Variants in CACNA1D observed in about 807,000 individuals in gnomAD.
CACNA1D encodes voltage-dependent L-type calcium channel subunit alpha-1D.
In CACNA1D, 55 loss-of-function variants were observed where a neutral mutation model predicts 257.1. The observed-to-expected ratio is 0.21, with a 90% confidence interval of 0.17 to 0.27. CACNA1D has a LOEUF of 0.27. CACNA1D is among the 10% of genes least tolerant of loss of function. The pLI is 1.00. For missense variants in CACNA1D, 1,876 were observed against 2,784.0 expected, an observed-to-expected ratio of 0.67 and a Z score of 7.34; for synonymous variants, 980 against 1,014.9, an observed-to-expected ratio of 0.97 and a Z score of 0.65.
chr3:53,767,220 G>A (rs2095338111), intron 30 of CACNA1D, among the ~76,000 whole-genome samples: 1 of 152,146 alleles, frequency 6.6e-6, no homozygotes, highest in South Asian at 2.1e-4. Flanking sequence ...GCCCAGGACT[G>A]GAGTTCTCAG....
Position 53,731,163 on chromosome 3 carries a change from G to A in CACNA1D, c.2406+17G>A. On this transcript the variant is annotated intron_variant, in intron 17 of 47. Coordinates refer to ENST00000350061, the MANE Select transcript of CACNA1D (RefSeq NM_001128840.3). Reference sequence around the variant, plus strand: ...GACAACAAGGTATGTATTCTAAGATGCTTCTCCCCTTTTTGTTTCAAAATG... The same window carrying A: ...GACAACAAGGTATGTATTCTAAGATACTTCTCCCCTTTTTGTTTCAAAATG... 1.3e-6 allele frequency: 2 copies of A among 1,545,022 alleles called. No homozygotes were observed. The highest frequency in any genetic ancestry group is 2.2e-5 in the East Asian group (1 of 44,554).
chr3:53,564,046 A>C (rs1437166065), intron 3 of CACNA1D, among the ~76,000 whole-genome samples: 1 of 152,228 alleles, frequency 6.6e-6, no homozygotes, highest in Non-Finnish European at 1.5e-5. Context: ...ATGATATATC[A>C]TTCTGACTTG....
intron 21 of CACNA1D, 99 bp downstream of exon 21, chr3:53,740,438 A>G (rs904659383): frequency 1.6e-5 from 13 of 824,518 alleles, no homozygotes; most frequent in Middle Eastern, 4.4e-4. Flanking sequence ...TACGCAGACT[A>G]TGTCTTCACT....
chr3:53,595,876 G>A (rs2093363745), intron 3 of CACNA1D, among the ~76,000 whole-genome samples: 1 of 152,172 alleles, frequency 6.6e-6, no homozygotes, highest in Non-Finnish European at 1.5e-5. Context: ...AGGTGATTCA[G>A]ACAGATGGGC....
intron 22 of CACNA1D, among the ~76,000 whole-genome samples, chr3:53,744,104 C>T (rs1461141776): frequency 6.6e-6 from 1 of 152,152 alleles, no homozygotes; most frequent in Non-Finnish European, 1.5e-5. Context: ...TCTCTTGTGT[C>T]GCATCTTTGT....
chr3:53,767,422 C>T (rs1210663126), intron 30 of CACNA1D, among the ~76,000 whole-genome samples: 3 of 152,042 alleles, frequency 2.0e-5, no homozygotes, highest in East Asian at 1.9e-4. Flanking sequence ...AAAAATTCGG[C>T]AGGCATGGTG....
chr3:53,734,442 T>G (rs1293038362), intron 19 of CACNA1D, among the ~76,000 whole-genome samples: 1 of 152,076 alleles, frequency 6.6e-6, no homozygotes, highest in Non-Finnish European at 1.5e-5. Context: ...ATGTGTATGT[T>G]TTATATATAT....
intron 20 of CACNA1D, among the ~76,000 whole-genome samples, chr3:53,736,344 G>GA (rs546685968): frequency 2.1e-4 from 31 of 145,898 alleles, no homozygotes; most frequent in South Asian, 6.6e-4. Context: ...TTGTCTCAAA[G>GA]AAAAAAAAAA....
In CACNA1D at chr3:53,694,276, G is replaced by T. The variant is rs909132896; in HGVS notation, c.1221-8365G>T. On this transcript the variant is annotated intron_variant, in intron 8 of 47. Transcript: ENST00000350061. ...AGGCTGGCTGGGTCTGGGGCAAGGG[G>T]TTCTCTCCCTGGAGTGGTGCTTACT... is the stretch of plus-strand genomic sequence containing the variant. Among the ~76,000 whole-genome samples the T allele has an allele frequency of 2.0e-5, 3 of 152,232 alleles. 1 individual carries two copies. The South Asian group carries it at 6.2e-4, about 32-fold the overall frequency.
At chr3:53,728,248 C>T (rs539180548) in intron 15 of CACNA1D, among the ~76,000 whole-genome samples, 2 of 152,342 alleles carry the variant, frequency 1.3e-5, no homozygotes, top group African/African-American at 2.4e-5. Context: ...AAGTGATTCT[C>T]CTGCCTCAGC....
At position 53,812,382 on chromosome 3, in the gene CACNA1D, T is replaced by TTTAAG. The variant is rs2095604190; in HGVS notation, c.*979_*983dup. On this transcript the variant is annotated 3_prime_UTR_variant, in exon 48 of 48. Transcript: ENST00000350061. ...AGCGAAAATCCTCTGGGGTTAAAAT[T>TTTAAG]TTAAGTTTGAAAGAACTTGACACTA... 6.6e-6 allele frequency: 1 copy of TTTAAG among 152,324 alleles called. No individual in the cohort carries two copies. The highest frequency in any genetic ancestry group is 1.9e-4 in the East Asian group (1 of 5,180). 9.4% of individuals were successfully genotyped at this position (152,324 alleles called of 1,614,324 possible). A position where few individuals can be genotyped will look rare whatever the true frequency, so the allele number is the denominator to read the frequency against.
chr3:53,614,427 G>A (rs898504316), intron 3 of CACNA1D, among the ~76,000 whole-genome samples: 2 of 152,252 alleles, frequency 1.3e-5, no homozygotes, highest in East Asian at 1.9e-4. Flanking sequence ...GAAACTCCCC[G>A]AGGTGTAGGA....
chr3:53,791,073 A>T (rs2095480210), intron 40 of CACNA1D: 1 of 700,512 alleles, frequency 1.4e-6, no homozygotes, highest in African/African-American at 1.8e-5. Flanking sequence ...TTGAAAGGGA[A>T]AAGTCTCAAG....
At chr3:53,637,795 C>A (rs1165807804) in intron 3 of CACNA1D, among the ~76,000 whole-genome samples, 1 of 152,178 alleles carries the variant, frequency 6.6e-6, no homozygotes, top group Non-Finnish European at 1.5e-5. Flanking sequence ...CTTGCTCATT[C>A]ATTTCCATTG....
intron 2 of CACNA1D, among the ~76,000 whole-genome samples, chr3:53,500,119 C>T (rs1481624398): frequency 1.3e-5 from 2 of 151,798 alleles, no homozygotes; most frequent in Admixed American, 1.3e-4. Flanking sequence ...AGGCCGGGCA[C>T]AGTGGCTCAC....
chr3:53,630,499 G>A (rs1472220824), intron 3 of CACNA1D, among the ~76,000 whole-genome samples: 1 of 152,152 alleles, frequency 6.6e-6, no homozygotes, highest in Non-Finnish European at 1.5e-5. Context: ...ATTAATTTAG[G>A]TAGTTACTAA....
chr3:53,753,431 C>T (rs1396714057), intron 28 of CACNA1D, 141 bp from the exon 29 acceptor site: 2 of 720,152 alleles, frequency 2.8e-6, no homozygotes, highest in Admixed American at 2.0e-5. Context: ...CATGACCTTG[C>T]AATGCCGGTG....
rs1423099587 is a variant in CACNA1D at position 53,774,895 on chromosome 3, T to C, written c.4202+217T>C. On this transcript the variant is annotated intron_variant, in intron 34 of 47. Transcript: ENST00000350061. The surrounding 1 kb of genome is among the most constrained non-coding windows in gnomAD (Gnocchi z 4.3). ...GTTAAAACTGCTGTGGTAATCCCGA[T>C]TGTGGCTGGCATAAGGTTTATTCAT... 6.6e-6 allele frequency among the ~76,000 whole-genome samples: 1 copy of C among 152,216 alleles called. No homozygotes were observed. Among genetic ancestry groups the C allele is most frequent in the East Asian group, 1.9e-4 (1 of 5,200 alleles).
At chr3:53,665,582 G>C in intron 5 of CACNA1D, 78 bp from the exon 6 acceptor site, 4 of 1,066,112 alleles carry the variant, frequency 3.8e-6, no homozygotes, top group Non-Finnish European at 4.4e-6. Context: ...AGTAAAGGAG[G>C]CATGGTTAGG....
Sources: gnomAD v4.1 joint callset for allele counts (sites outside exome capture counted in the v4.1 genomes callset) on GRCh38, gnomAD v4.1.1 for gene constraint, Gnocchi (gnomAD v3.1) non-coding constraint, MANE v1.5 for transcripts, NCBI Gene and HGNC (gene_info 2026-07-23, HGNC 2026-07-21) for gene names.